The following ARB2A variants were observed in gnomAD, a reference collection of about 807,000 sequenced individuals.
The protein encoded by ARB2A is cotranscriptional regulator ARB2A.
At chr5:93,685,444 T>A in the ARB2A span, among the ~76,000 whole-genome samples, 1 of 152,210 alleles carries the variant, frequency 6.6e-6, no homozygotes, top group Non-Finnish European at 1.5e-5. Context: ...TGTACAATTA[T>A]TTTCCATTTC....
chr5:93,828,499 G>A, the ARB2A span, among the ~76,000 whole-genome samples: 2 of 152,010 alleles, frequency 1.3e-5, no homozygotes, highest in African/African-American at 2.4e-5. Flanking sequence ...TCCTGCCACC[G>A]TCTCTCAAAT....
chr5:93,926,758 ATT>A, the ARB2A span, among the ~76,000 whole-genome samples: 9 of 141,620 alleles, frequency 6.4e-5, no homozygotes, highest in Non-Finnish European at 7.8e-5. Flanking sequence ...TTGAAAGAAG[ATT>A]TTTTTTTTTT....
the ARB2A span, among the ~76,000 whole-genome samples, chr5:93,722,931 T>G: frequency 6.6e-6 from 1 of 152,164 alleles, no homozygotes; most frequent in Admixed American, 6.6e-5. Flanking sequence ...ATGTTAAATG[T>G]TCTCAACAAA....
chr5:93,633,486 G>T, the ARB2A span, among the ~76,000 whole-genome samples: 1 of 152,052 alleles, frequency 6.6e-6, no homozygotes, highest in African/African-American at 2.4e-5. Context: ...TCCTTTTCTA[G>T]GTTTATCATA....
chr5:94,010,395 T>C, the ARB2A span, among the ~76,000 whole-genome samples: 1 of 152,130 alleles, frequency 6.6e-6, no homozygotes, highest in Non-Finnish European at 1.5e-5. Context: ...ATATTGTATA[T>C]AGTCAGAAAA....
At chr5:93,741,494 GC>G in the ARB2A span, 1 of 1,612,048 alleles carries the variant, frequency 6.2e-7, no homozygotes, top group Non-Finnish European at 8.5e-7. Context: ...AGGGGCATCG[GC>G]CCTCTGGGGC....
the ARB2A span, among the ~76,000 whole-genome samples, chr5:93,697,499 A>G: frequency 6.6e-6 from 1 of 152,182 alleles, no homozygotes; most frequent in African/African-American, 2.4e-5. Context: ...TACACTTTTA[A>G]AATATTTTGC....
At chr5:93,983,173 GTGTGTGTGTGTGTGT>G in the ARB2A span, among the ~76,000 whole-genome samples, 5 of 702 alleles carry the variant, frequency 7.1e-3, no homozygotes, top group Admixed American at 0.1. Context: ...GTGGAGAGGT[GTGTGTGTGTGTGTGT>G]GTGTGTGTGT....
chr5:94,047,298 C>T, the ARB2A span, among the ~76,000 whole-genome samples: 2 of 152,096 alleles, frequency 1.3e-5, no homozygotes, highest in African/African-American at 4.8e-5. Context: ...TCGAGACCAG[C>T]CTGGCTAACA....
At chr5:93,945,522 T>C in the ARB2A span, among the ~76,000 whole-genome samples, 1 of 151,934 alleles carries the variant, frequency 6.6e-6, no homozygotes, top group African/African-American at 2.4e-5. Context: ...ATCAGAAATC[T>C]GCATAATGAT....
the ARB2A span, among the ~76,000 whole-genome samples, chr5:94,028,625 T>G: frequency 6.6e-6 from 1 of 152,196 alleles, no homozygotes; most frequent in Non-Finnish European, 1.5e-5. Context: ...TCTCTTAATA[T>G]TTAATTTTGA....
At chr5:93,683,763 A>C in the ARB2A span, 1 of 1,542,346 alleles carries the variant, frequency 6.5e-7, no homozygotes, top group South Asian at 1.1e-5. Context: ...GGACGGAGAT[A>C]AAACAACGCT....
At chr5:94,061,073 C>T in the ARB2A span, among the ~76,000 whole-genome samples, 5 of 152,102 alleles carry the variant, frequency 3.3e-5, no homozygotes, top group African/African-American at 4.8e-5. Flanking sequence ...CCTGTCTCTA[C>T]TAAAAATACA....
chr5:93,799,431 T>C, the ARB2A span, among the ~76,000 whole-genome samples: 1 of 152,112 alleles, frequency 6.6e-6, no homozygotes, highest in South Asian at 2.1e-4. Flanking sequence ...TCTATAGACA[T>C]ACTATAGCCT....
At chr5:94,050,845 C>G in the ARB2A span, 3 of 1,532,568 alleles carry the variant, frequency 2.0e-6, no homozygotes, top group Non-Finnish European at 1.8e-6. Context: ...AGAAGATAAA[C>G]AAACAATATT....
chr5:93,750,771 CA>C, the ARB2A span, among the ~76,000 whole-genome samples: 1 of 152,142 alleles, frequency 6.6e-6, no homozygotes, highest in African/African-American at 2.4e-5. Flanking sequence ...AAGCTATCCC[CA>C]CCTTTGCCTC....
At chr5:93,904,827 T>C in the ARB2A span, among the ~76,000 whole-genome samples, 2 of 151,716 alleles carry the variant, frequency 1.3e-5, no homozygotes, top group Non-Finnish European at 1.5e-5. Context: ...TCTCTGGATA[T>C]TAAGAGGAAA....
the ARB2A span, among the ~76,000 whole-genome samples, chr5:93,886,167 GA>G: frequency 1.3e-5 from 2 of 151,608 alleles, no homozygotes; most frequent in Admixed American, 1.3e-4. Context: ...CCAATTATAA[GA>G]AAAATGGAAA....
the ARB2A span, among the ~76,000 whole-genome samples, chr5:93,836,035 T>G: frequency 6.0e-3 from 910 of 152,292 alleles, 11 homozygotes; most frequent in Middle Eastern, 0.017. Flanking sequence ...GAAAAAATTT[T>G]TTTTTTCTTT....
Sources: allele counts gnomAD v4.1 joint callset (sites outside exome capture counted in the v4.1 genomes callset), GRCh38; gene constraint gnomAD v4.1.1; transcripts MANE v1.5; gene names NCBI Gene and HGNC (gene_info 2026-07-23, HGNC 2026-07-21).